C10orf67: variants seen among roughly 807,000 people sequenced by gnomAD.
C10orf67 encodes chromosome 10 open reading frame 67.
C10orf67 carries 60 observed loss-of-function variants against 35.6 expected under a neutral mutation model. The ratio of observed to expected loss-of-function variants is 1.68; its 90% CI spans 1.37 to 2.09. C10orf67 has a LOEUF of 2.09. Among genes scored for constraint, C10orf67 ranks in the 30% most tolerant of loss-of-function variants. The pLI, the probability that C10orf67 is intolerant of heterozygous loss-of-function variation, is 0.00. For missense variants in C10orf67, 474 were observed against 330.2 expected (o/e 1.44, Z -3.38); for synonymous variants, 167 against 115.8 (o/e 1.44, Z -2.84).
At chr10:23,270,648 C>T (rs776590768) in intron 8 of C10orf67, among the ~76,000 whole-genome samples, 4 of 152,204 alleles carry the variant, frequency 2.6e-5, no homozygotes, top group Non-Finnish European at 5.9e-5. Context: ...TCCAGACAGA[C>T]AGCAGCAACA....
At chr10:23,330,596 C>T (rs929759510) in intron 2 of C10orf67, among the ~76,000 whole-genome samples, 2 of 151,956 alleles carry the variant, frequency 1.3e-5, no homozygotes, top group East Asian at 1.9e-4. Context: ...AAAAATTAGC[C>T]GGGCGTGGTG....
intron 13 of C10orf67, among the ~76,000 whole-genome samples, chr10:23,235,599 T>A (rs539459609): frequency 3.0e-4 from 45 of 152,298 alleles, no homozygotes; most frequent in African/African-American, 1.1e-3. Context: ...ACAATTTGGA[T>A]GTTTACGACA....
At chr10:23,230,120 G>A (rs963173853) in intron 13 of C10orf67, among the ~76,000 whole-genome samples, 1 of 151,850 alleles carries the variant, frequency 6.6e-6, no homozygotes, top group African/African-American at 2.4e-5. Flanking sequence ...TGTTATATTG[G>A]TGCAGGAAAA....
intron 8 of C10orf67, among the ~76,000 whole-genome samples, chr10:23,270,436 T>A (rs1328103645): frequency 6.6e-6 from 1 of 152,220 alleles, no homozygotes; most frequent in Non-Finnish European, 1.5e-5. Flanking sequence ...CAGAGGTGTG[T>A]GGAGTCTTGG....
At chr10:23,320,390 C>T (rs1844898167) in intron 4 of C10orf67, among the ~76,000 whole-genome samples, 2 of 152,144 alleles carry the variant, frequency 1.3e-5, no homozygotes, top group African/African-American at 4.8e-5. Context: ...GTTAATCCAC[C>T]AAGGGTCAGA....
At chr10:23,263,850 A>G (rs2132189517) in intron 10 of C10orf67, among the ~76,000 whole-genome samples, 1 of 152,372 alleles carries the variant, frequency 6.6e-6, no homozygotes, top group South Asian at 2.1e-4. Flanking sequence ...AAAGCACTGT[A>G]CAAATACAAA....
At chr10:23,344,345 G>A (rs1846051518) in intron 1 of C10orf67, 4 of 587,742 alleles carry the variant, frequency 6.8e-6, no homozygotes, top group Non-Finnish European at 1.2e-5. Context: ...CGGGAGGAGG[G>A]GAGTGGAGAG....
intron 7 of C10orf67, among the ~76,000 whole-genome samples, chr10:23,284,160 G>T (rs1197430352): frequency 1.3e-5 from 2 of 149,864 alleles, no homozygotes; most frequent in African/African-American, 4.9e-5. Context: ...TTATCTGAAG[G>T]CTTCTGAGTT....
intron 3 of C10orf67, among the ~76,000 whole-genome samples, chr10:23,321,364 TA>T (rs140694638): frequency 2.6e-4 from 40 of 152,308 alleles, no homozygotes; most frequent in African/African-American, 7.9e-4. Flanking sequence ...TATACTTTTC[TA>T]AAAAAAATTT....
intron 2 of C10orf67, among the ~76,000 whole-genome samples, chr10:23,323,082 G>A (rs1845021421): frequency 6.6e-6 from 1 of 152,038 alleles, no homozygotes; most frequent in Admixed American, 6.6e-5. Flanking sequence ...ATATGATGAT[G>A]GACTAAAAGA....
intron 2 of C10orf67, among the ~76,000 whole-genome samples, chr10:23,332,297 A>G (rs1316912298): frequency 1.3e-5 from 2 of 152,248 alleles, no homozygotes; most frequent in Non-Finnish European, 1.5e-5. Context: ...GTATAGTGGT[A>G]TGCTACCTCA....
chr10:23,294,725 CT>C (rs563324446), intron 5 of C10orf67, among the ~76,000 whole-genome samples: 26 of 151,366 alleles, frequency 1.7e-4, no homozygotes, highest in East Asian at 3.9e-4. Flanking sequence ...GTTTATTTCA[CT>C]TTTTTTTTCA....
rs558677991 is a variant in C10orf67 at position 23,314,870 on chromosome 10, G to C, written c.546+5871C>G. ...TAATTACATACAACTCTTTATCTTTGCTGTATTCGATTGACCAGAAGCAAA... is the reference window on the plus strand; with the variant it reads ...TAATTACATACAACTCTTTATCTTTCCTGTATTCGATTGACCAGAAGCAAA... On this transcript the variant is annotated intron_variant, in intron 4 of 15. Coordinates refer to ENST00000636213, the MANE Select transcript of C10orf67 (RefSeq NM_001371909.1). Among the ~76,000 whole-genome samples the C allele has an allele frequency of 2.0e-5, 3 of 151,924 alleles. No individual in the cohort carries two copies. In the South Asian group the frequency reaches 6.2e-4, roughly 32 times the overall value.
At chr10:23,320,233 T>C (rs948989564) in intron 4 of C10orf67, among the ~76,000 whole-genome samples, 2 of 152,188 alleles carry the variant, frequency 1.3e-5, no homozygotes, top group Non-Finnish European at 2.9e-5. Context: ...TATATTGAAA[T>C]GCGAAGTGAG....
At chr10:23,336,720 G>T (rs1286873291) in intron 1 of C10orf67, among the ~76,000 whole-genome samples, 1 of 151,936 alleles carries the variant, frequency 6.6e-6, no homozygotes, top group African/African-American at 2.4e-5. Context: ...CCCCATGTTG[G>T]CCAGGCCGGT....
In C10orf67 at chr10:23,250,487, G is replaced by A. The variant is rs892747349; in HGVS notation, c.1314C>T (p.Ser438=). 2.5e-6 allele frequency: 1 copy of A among 398,496 alleles called. No homozygotes were observed. The highest frequency in any genetic ancestry group is 4.4e-5 in the Admixed American group (1 of 22,704). 24.7% of individuals were successfully genotyped at this position (398,496 alleles called of 1,614,324 possible). ...FRKEADRLNK[S]WEKRFFILRN... ...TGAGAATAAAGAATCTCTTTTCCCA[G>A]CTTTTATTTAGTCGATCAGCTTCCT... Residue 438 remains serine, a synonymous_variant, in exon 12 of 16, where the codon AGC becomes AGT. Coordinates refer to ENST00000636213, the MANE Select transcript of C10orf67 (RefSeq NM_001371909.1).
chr10:23,254,352 T>G (rs1304454601), intron 10 of C10orf67, among the ~76,000 whole-genome samples: 1 of 151,968 alleles, frequency 6.6e-6, no homozygotes, highest in Non-Finnish European at 1.5e-5. Context: ...GGATTACAGG[T>G]GCCTGCCACC....
At chr10:23,282,835 A>C (rs1464170370) in intron 7 of C10orf67, among the ~76,000 whole-genome samples, 1 of 152,088 alleles carries the variant, frequency 6.6e-6, no homozygotes, top group Admixed American at 6.6e-5. Context: ...TAAACAAACC[A>C]ACCATTTATT....
intron 10 of C10orf67, among the ~76,000 whole-genome samples, chr10:23,251,190 G>A (rs1007848609): frequency 5.3e-5 from 8 of 152,118 alleles, no homozygotes; most frequent in Admixed American, 2.0e-4. Context: ...TCTATTTCCC[G>A]TAAATGGTGA....
Sources: allele counts gnomAD v4.1 joint callset (sites outside exome capture counted in the v4.1 genomes callset), GRCh38; gene constraint gnomAD v4.1.1; transcripts MANE v1.5; gene names NCBI Gene and HGNC (gene_info 2026-07-23, HGNC 2026-07-21).